ADAMTS10: variants seen among roughly 807,000 people sequenced by gnomAD.
ADAMTS10 encodes A disintegrin and metalloproteinase with thrombospondin motifs 10.
A neutral mutation model predicts 135.9 loss-of-function variants in ADAMTS10; 48 were observed. The observed-to-expected ratio is 0.35, with a 90% confidence interval of 0.28 to 0.45. The LOEUF is 0.45. Ranked by LOEUF, ADAMTS10 falls within the 20% of genes least tolerant of loss-of-function variation. The pLI, the probability that ADAMTS10 is intolerant of heterozygous loss-of-function variation, is 1.00. For missense variants in ADAMTS10, 1,131 were observed against 1,565.2 expected, an observed-to-expected ratio of 0.72 and a Z score of 4.68; for synonymous variants, 621 against 647.5, an observed-to-expected ratio of 0.96 and a Z score of 0.62.
At chr19:8,589,401 A>AACCCCCCCCCCCCCCCCAC in intron 17 of ADAMTS10, 36 bp from the exon 18 acceptor site, 1 of 1,599,450 alleles carries the variant, frequency 6.3e-7, no homozygotes, top group Non-Finnish European at 8.5e-7. Flanking sequence ...CGACCCCCTA[A>AACCCCCCCCCCCCCCCCAC]CCCACCCCCG....
intron 25 of ADAMTS10, among the ~76,000 whole-genome samples, chr19:8,581,612 A>G (rs537024469): frequency 6.6e-6 from 1 of 152,136 alleles, no homozygotes; most frequent in Admixed American, 6.5e-5. Flanking sequence ...AGGCAGGTGG[A>G]TCACTTCAGG....
chr19:8,605,389 G>T lies in ADAMTS10; in HGVS notation c.89-31C>A. ...GGTGAGGGTCAGAGGCCTGGGGTGGGCCCTGGTCTTATTGGACCCCTGTGT... is the reference window on the plus strand; with the variant it reads ...GGTGAGGGTCAGAGGCCTGGGGTGGTCCCTGGTCTTATTGGACCCCTGTGT... On this transcript the variant is annotated intron_variant, in intron 3 of 25. Transcript: ENST00000597188. The surrounding 1 kb of genome is among the most constrained non-coding windows in gnomAD (Gnocchi z 7.7). 6.4e-7 allele frequency: 1 copy of T among 1,560,050 alleles called. No individual in the cohort carries two copies.
chr19:8,600,500 CTTTTT>C (rs797035354), intron 6 of ADAMTS10, among the ~76,000 whole-genome samples: 117 of 129,842 alleles, frequency 9.0e-4, no homozygotes, highest in African/African-American at 2.9e-3. Flanking sequence ...TCTTTCTTTT[CTTTTT>C]TTTTTTTTTT....
At chr19:8,593,707 C>T (rs1437649143) in intron 12 of ADAMTS10, among the ~76,000 whole-genome samples, 1 of 152,144 alleles carries the variant, frequency 6.6e-6, no homozygotes, top group African/African-American at 2.4e-5. Context: ...TGGCCCACAT[C>T]CTAAGCAACC....
chr19:8,580,841 A>G lies in ADAMTS10; in HGVS notation c.*52T>C. On this transcript the variant is annotated 3_prime_UTR_variant, in exon 26 of 26. Transcript: ENST00000597188. ...GGGCCCCCTCTGGCCGGCCCGCTGC[A>G]GGGCTGGCGGCGGAGACCCCGCCAG... 6.9e-7 allele frequency: 1 copy of G among 1,454,338 alleles called. No homozygotes were observed. Among genetic ancestry groups the G allele is most frequent in the Non-Finnish European group, 9.4e-7 (1 of 1,062,110 alleles). The allele number at this position is 1,454,338 out of a possible 1,614,324, so 90.1% of individuals were successfully genotyped here.
At chr19:8,593,034 G>T in intron 12 of ADAMTS10, 164 bp from the exon 13 acceptor site, 1 of 682,906 alleles carries the variant, frequency 1.5e-6, no homozygotes, top group African/African-American at 1.8e-5. Context: ...TCCCCTTGCG[G>T]GGCATGGCCT....
At chr19:8,583,908 C>T (rs782550127) in intron 25 of ADAMTS10, among the ~76,000 whole-genome samples, 2 of 151,846 alleles carry the variant, frequency 1.3e-5, no homozygotes, top group Non-Finnish European at 2.9e-5. Context: ...CCTTTAATCC[C>T]AGCACTTTGG....
At chr19:8,604,942 T>C (rs2042702798) in intron 4 of ADAMTS10, 70 bp downstream of exon 4, 1 of 1,462,266 alleles carries the variant, frequency 6.8e-7, no homozygotes, top group Non-Finnish European at 9.4e-7. Flanking sequence ...CTGCCCTCTA[T>C]GTAGAAGTGT....
chr19:8,596,528 CG>C lies in ADAMTS10; in HGVS notation c.1084+13del. ...TGCCTTCATAGGCGCCTGAAACCTA[CG>C]GGGCTCGGGTACCTAGTGTGCCGCA... On this transcript the variant is annotated intron_variant, in intron 9 of 25. Coordinates refer to ENST00000597188, the MANE Select transcript of ADAMTS10 (RefSeq NM_030957.4). This position sits in a 1 kb window ranked among gnomAD's most constrained non-coding sequence, Gnocchi z 7.2. The C allele has an allele frequency of 6.2e-7, 1 of 1,613,946 alleles. No individual in the cohort carries two copies. Among genetic ancestry groups the C allele is most frequent in the Non-Finnish European group, 8.5e-7 (1 of 1,179,936 alleles).
chr19:8,602,793 T>A (rs1347212799), intron 5 of ADAMTS10, among the ~76,000 whole-genome samples: 1 of 152,092 alleles, frequency 6.6e-6, no homozygotes, highest in Admixed American at 6.6e-5. Flanking sequence ...ACCTGGCTTA[T>A]TTTTTCTATT....
chr19:8,605,719 C>A lies in ADAMTS10; in HGVS notation c.-9G>T, dbSNP rs1340013375. On this transcript the variant is annotated 5_prime_UTR_variant, in exon 3 of 26. Coordinates refer to ENST00000597188, the MANE Select transcript of ADAMTS10 (RefSeq NM_030957.4). This position sits in a 1 kb window ranked among gnomAD's most constrained non-coding sequence, Gnocchi z 7.7. ...TGGCAGGCGGGAGCCATAGAGGCCA[C>A]GTGTCCACATGTCTCTCCCCAGCCC... is the stretch of plus-strand genomic sequence containing the variant. The A allele has an allele frequency of 2.5e-6, 4 of 1,603,258 alleles. No homozygotes were observed. In the East Asian group the frequency reaches 9.0e-5, roughly 36 times the overall value.
chr19:8,605,410 T>C lies in ADAMTS10; in HGVS notation c.89-52A>G, dbSNP rs1555742398. 2 of 1,527,622 alleles carry C rather than the reference T, an allele frequency of 1.3e-6. No individual in the cohort carries two copies. Among genetic ancestry groups the C allele is most frequent in the South Asian group, 2.4e-5 (2 of 84,056 alleles). 94.6% of individuals were successfully genotyped at this position (1,527,622 alleles called of 1,614,324 possible). ...GTGGGCCCTGGTCTTATTGGACCCC[T>C]GTGTCCTGGCTGTTAGGCTGCTGGA... On this transcript the variant is annotated intron_variant, in intron 3 of 25. Transcript: ENST00000597188. The surrounding 1 kb of genome is among the most constrained non-coding windows in gnomAD (Gnocchi z 7.7).
rs191330903 is a variant in ADAMTS10 at position 8,583,568 on chromosome 19, C to T, written c.3202+1327G>A. Among the ~76,000 whole-genome samples, 108 of 151,644 alleles carry T rather than the reference C, an allele frequency of 7.1e-4. 1 individual carries two copies. In the East Asian group the frequency reaches 0.019, roughly 27 times the overall value. On this transcript the variant is annotated intron_variant, in intron 25 of 25. Coordinates refer to ENST00000597188, the MANE Select transcript of ADAMTS10 (RefSeq NM_030957.4). The stretch of plus-strand genomic sequence containing the variant: ...AACAAGAAAAAAAAAAATTTACAGC[C>T]AGGCGCAGTGGCTCACGCCTGTAAT...
At position 8,587,332 on chromosome 19, in the gene ADAMTS10, C is replaced by CA. The variant is rs1568394348; in HGVS notation, c.2159-437_2159-436insT. ...CCACCACACCTGGCTAACTAAAAAACCTTTTTTTTTTTTTTTTTTTTTTTG... is the reference window on the plus strand; with the variant it reads ...CCACCACACCTGGCTAACTAAAAAACACTTTTTTTTTTTTTTTTTTTTTTTG... On this transcript the variant is annotated intron_variant, in intron 18 of 25. Transcript: ENST00000597188. 1.3e-4 allele frequency among the ~76,000 whole-genome samples: 12 copies of CA among 92,528 alleles called. 1 individual carries two copies. Among genetic ancestry groups the CA allele is most frequent in the South Asian group, 8.3e-4 (2 of 2,398 alleles). 60.7% of individuals were successfully genotyped at this position (92,528 alleles called of 152,430 possible).
At chr19:8,606,855 G>A (rs1273448647) in intron 2 of ADAMTS10, among the ~76,000 whole-genome samples, 4 of 152,166 alleles carry the variant, frequency 2.6e-5, no homozygotes, top group Non-Finnish European at 5.9e-5. Context: ...TCTTAGGAGT[G>A]ACAGATGACA....
At chr19:8,595,202 G>C (rs1158070197) in intron 12 of ADAMTS10, among the ~76,000 whole-genome samples, 3 of 152,030 alleles carry the variant, frequency 2.0e-5, no homozygotes, top group African/African-American at 7.3e-5. Flanking sequence ...CAGCTTCCTG[G>C]GGGGAGCTGG....
chr19:8,587,747 C>T (rs977009176), intron 18 of ADAMTS10, among the ~76,000 whole-genome samples: 2 of 151,640 alleles, frequency 1.3e-5, no homozygotes, highest in Non-Finnish European at 2.9e-5. Flanking sequence ...CTGGCTAACA[C>T]GGTGAAACCC....
intron 15 of ADAMTS10, 29 bp downstream of exon 15, chr19:8,591,771 C>G (rs782046804): frequency 7.4e-6 from 12 of 1,612,036 alleles, no homozygotes; most frequent in Middle Eastern, 1.6e-4. Context: ...TTCCTCCCCC[C>G]ACCCCTCAAG....
intron 18 of ADAMTS10, among the ~76,000 whole-genome samples, chr19:8,588,345 C>T (rs782149047): frequency 6.6e-6 from 1 of 151,774 alleles, no homozygotes; most frequent in Non-Finnish European, 1.5e-5. Context: ...TTCAGCCTCC[C>T]AAAGCCCTGG....
Sources: allele counts gnomAD v4.1 joint callset (sites outside exome capture counted in the v4.1 genomes callset), GRCh38; gene constraint gnomAD v4.1.1; non-coding constraint Gnocchi (gnomAD v3.1); transcripts MANE v1.5; gene names NCBI Gene and HGNC (gene_info 2026-07-23, HGNC 2026-07-21).